The following LYVE1 variants were observed in gnomAD, a reference collection of about 807,000 sequenced individuals.
LYVE1 encodes the protein lymphatic vessel endothelial hyaluronan receptor 1, also known as lymphatic vessel endothelial hyaluronic acid receptor 1.
LYVE1 carries 29 observed loss-of-function variants against 31.5 expected under a neutral mutation model. The observed-to-expected ratio is 0.92, with a 90% CI of 0.69 to 1.26. The LOEUF is 1.26. LYVE1 is among the 50% of genes most tolerant of loss of function. LYVE1 has a pLI of 0.00. For synonymous variants in LYVE1, 134 were observed against 139.4 expected, an observed-to-expected ratio of 0.96 and a Z score of 0.27; for missense variants, 376 against 380.2, an observed-to-expected ratio of 0.99 and a Z score of 0.09.
intron 4 of LYVE1, among the ~76,000 whole-genome samples, chr11:10,560,149 C>G (rs978532574): frequency 2.6e-5 from 4 of 152,166 alleles, no homozygotes; most frequent in Non-Finnish European, 4.4e-5. Flanking sequence ...GAGACCTACT[C>G]TAGTCAACAA....
chr11:10,559,230 T>G lies in LYVE1; in HGVS notation c.850A>C (p.Lys284Gln). ...TTGCTATCATTGGCCTTCTCCTCCT[T>G]TACTACTTTGGTTTCGATCATTTCC... is the stretch of plus-strand genomic sequence containing the variant. The part of the protein sequence containing the change: ...QKEMIETKVV[K>Q]EEKANDSNPN... Residue 284 changes from lysine (K) to glutamine (Q), a missense_variant, in exon 6 of 6, where the codon AAG becomes CAG. By Grantham distance (53) the Lys-to-Gln change is moderately conservative. Transcript: ENST00000256178. 1 of 1,614,180 alleles carries G rather than the reference T, an allele frequency of 6.2e-7. No homozygotes were observed. Among genetic ancestry groups the G allele is most frequent in the South Asian group, 1.1e-5 (1 of 91,076 alleles).
chr11:10,566,458 T>C (rs1422123552), intron 1 of LYVE1, among the ~76,000 whole-genome samples: 4 of 152,062 alleles, frequency 2.6e-5, no homozygotes, highest in African/African-American at 9.7e-5. Flanking sequence ...CACAGTGCTA[T>C]AAGGAAATGA....
At chr11:10,559,963 T>C in intron 4 of LYVE1, 69 bp from the exon 5 acceptor site, 1 of 1,139,728 alleles carries the variant, frequency 8.8e-7, no homozygotes, top group South Asian at 1.2e-5. Flanking sequence ...CATTGCATGA[T>C]CCAGGTGATT....
At chr11:10,559,644 C>G (rs17318955) in intron 5 of LYVE1, among the ~76,000 whole-genome samples, 172 bp downstream of exon 5, 19,498 of 151,932 alleles carry the variant, frequency 0.13, 1,344 homozygotes, top group Admixed American at 0.16. Context: ...ACATGCATGT[C>G]CTGAAATAGA....
At position 10,558,557 on chromosome 11, in the gene LYVE1, G is replaced by A. The variant is rs1463945264; in HGVS notation, c.*554C>T. ...TATTTCTTTATTTTAGCTTTACAGA[G>A]ATTAGGTCTCAAGTTATGAGAATCT... On this transcript the variant is annotated 3_prime_UTR_variant, in exon 6 of 6. Transcript: ENST00000256178. The A allele has an allele frequency of 6.6e-6, 1 of 152,364 alleles. No homozygotes were observed. Among genetic ancestry groups the A allele is most frequent in the Non-Finnish European group, 1.5e-5 (1 of 68,186 alleles). 9.4% of individuals were successfully genotyped at this position (152,364 alleles called of 1,614,324 possible).
chr11:10,564,177 T>C (rs753738412), intron 2 of LYVE1, 26 bp downstream of exon 2: 11 of 1,613,852 alleles, frequency 6.8e-6, no homozygotes, highest in Non-Finnish European at 9.3e-6. Context: ...ACTCCAGCAG[T>C]GACAGTGAAA....
Position 10,568,548 on chromosome 11 carries a change from A to G in LYVE1, c.-16T>C, listed in dbSNP as rs201030605. On this transcript the variant is annotated 5_prime_UTR_variant, in exon 1 of 6. Coordinates refer to ENST00000256178, the MANE Select transcript of LYVE1 (RefSeq NM_006691.4). ...ACCTGGCCATCGTGCCTACCCCTTC[A>G]GAGCCAGGGAAACACCTCAGATGGC... is the stretch of plus-strand genomic sequence containing the variant. 4 of 1,611,152 alleles carry G rather than the reference A, an allele frequency of 2.5e-6. No individual in the cohort carries two copies. In the East Asian group the frequency reaches 8.9e-5, roughly 36 times the overall value.
chr11:10,559,608 G>A (rs1564877001), intron 5 of LYVE1, among the ~76,000 whole-genome samples: 1 of 151,986 alleles, frequency 6.6e-6, no homozygotes. Flanking sequence ...ATTTTCAAAG[G>A]ACAGTCATTG....
rs375347115 is a variant in LYVE1 at position 10,568,482 on chromosome 11, C to T, written c.51G>A (p.Thr17=). 3.9e-5 allele frequency: 63 copies of T among 1,614,034 alleles called. No homozygotes were observed. Among genetic ancestry groups the T allele is most frequent in the Non-Finnish European group, 5.1e-5 (60 of 1,179,954 alleles). Residue 17 remains threonine, a synonymous_variant, in exon 1 of 6, where the codon ACG becomes ACA. Coordinates refer to ENST00000256178, the MANE Select transcript of LYVE1 (RefSeq NM_006691.4). ...GCAAAGAGCCTTGGACCAGGAGCCT[C>T]GTGGTCCAGATGGAAGTGAGAAGCA... ...LVLLLTSIWT[T]RLLVQGSLRA...
rs749336203 is a variant in LYVE1 at position 10,560,645 on chromosome 11, G to T, written c.553C>A (p.Pro185Thr). Reference protein sequence around the residue: ...YSTIPAPTTTPPAPASTSIPR... With the variant: ...YSTIPAPTTTTPAPASTSIPR... ...ATAGAAGTGGAAGCTGGAGCAGGAG[G>T]AGTAGTAGTAGGGGCAGGTATTGTA... The change falls in exon 4 of 6, where the codon CCT becomes ACT. Residue 185 changes from proline (P) to threonine (T), a missense_variant. Pro to Thr is a conservative substitution (Grantham distance 38). Coordinates refer to ENST00000256178, the MANE Select transcript of LYVE1 (RefSeq NM_006691.4). The T allele has an allele frequency of 6.8e-6, 11 of 1,614,016 alleles. No individual in the cohort carries two copies. The highest frequency in any genetic ancestry group is 6.7e-5 in the East Asian group (3 of 44,898).
chr11:10,567,790 T>C (rs528022494), intron 1 of LYVE1, among the ~76,000 whole-genome samples: 2 of 152,282 alleles, frequency 1.3e-5, no homozygotes, highest in Admixed American at 6.5e-5. Flanking sequence ...TTTTTACAGA[T>C]TTTTTTCAGC....
intron 3 of LYVE1, among the ~76,000 whole-genome samples, 187 bp downstream of exon 3, chr11:10,563,753 C>T (rs887798900): frequency 6.6e-6 from 1 of 152,190 alleles, no homozygotes; most frequent in East Asian, 1.9e-4. Flanking sequence ...AGTTATATCT[C>T]TCCTAACTTT....
chr11:10,562,821 G>A (rs1194115169), intron 3 of LYVE1, among the ~76,000 whole-genome samples: 2 of 152,076 alleles, frequency 1.3e-5, no homozygotes. Context: ...ACTGGGTCTG[G>A]TTCTTAAAAT....
In LYVE1 at chr11:10,558,799, G is replaced by T; in HGVS notation, c.*312C>A. ...CCTTTTTACCACTGGATACTGATGA[G>T]ATGTTTTAGGTCCTTGCACTTTGCA... On this transcript the variant is annotated 3_prime_UTR_variant, in exon 6 of 6. Coordinates refer to ENST00000256178, the MANE Select transcript of LYVE1 (RefSeq NM_006691.4). 3.8e-6 allele frequency: 1 copy of T among 262,134 alleles called. No individual in the cohort carries two copies. Among genetic ancestry groups the T allele is most frequent in the Non-Finnish European group, 7.1e-6 (1 of 139,898 alleles). 16.2% of individuals were successfully genotyped at this position (262,134 alleles called of 1,614,324 possible).
chr11:10,564,507 C>G, intron 1 of LYVE1, 133 bp from the exon 2 acceptor site: 1 of 733,260 alleles, frequency 1.4e-6, no homozygotes, highest in Non-Finnish European at 2.2e-6. Context: ...TTTAGAATAA[C>G]AGGACACAGA....
At position 10,557,764 on chromosome 11, in the gene LYVE1, C is replaced by T. The variant is rs888254549; in HGVS notation, c.*1347G>A. The T allele has an allele frequency of 6.6e-6, 1 of 152,190 alleles. No individual in the cohort carries two copies. Among genetic ancestry groups the T allele is most frequent in the Non-Finnish European group, 1.5e-5 (1 of 68,032 alleles). The allele number at this position is 152,190 out of a possible 1,614,324, so 9.4% of individuals were successfully genotyped here. On this transcript the variant is annotated 3_prime_UTR_variant, in exon 6 of 6. Transcript: ENST00000256178. ...TGACATATGCTTGTATTTTAACAAC[C>T]AACATTGTCCCTTTTATTTTTGCAA... is the stretch of plus-strand genomic sequence containing the variant.
chr11:10,564,640 A>G (rs939838419), intron 1 of LYVE1, among the ~76,000 whole-genome samples: 1 of 152,182 alleles, frequency 6.6e-6, no homozygotes, highest in African/African-American at 2.4e-5. Flanking sequence ...TGCTCACCAT[A>G]TAGGGGCTTT....
At chr11:10,561,482 A>C (rs915557183) in intron 3 of LYVE1, among the ~76,000 whole-genome samples, 1 of 152,204 alleles carries the variant, frequency 6.6e-6, no homozygotes, top group Non-Finnish European at 1.5e-5. Context: ...CTAAGACCTG[A>C]TATTTCTGGG....
At chr11:10,564,514 C>T (rs1210246568) in intron 1 of LYVE1, 140 bp from the exon 2 acceptor site, 4 of 687,546 alleles carry the variant, frequency 5.8e-6, no homozygotes, top group Non-Finnish European at 9.7e-6. Context: ...TAACAGGACA[C>T]AGACCAGGCA....
Sources: allele counts gnomAD v4.1 joint callset (sites outside exome capture counted in the v4.1 genomes callset), GRCh38; gene constraint gnomAD v4.1.1; transcripts MANE v1.5; gene names NCBI Gene and HGNC (gene_info 2026-07-23, HGNC 2026-07-21).